NOP56: variants seen among roughly 807,000 people sequenced by gnomAD.
NOP56 encodes the protein nucleolar protein 56.
NOP56 carries 31 observed loss-of-function variants against 58.3 expected under a neutral mutation model. That is an observed-to-expected ratio of 0.53 (90% CI 0.40 to 0.72). The LOEUF (loss-of-function observed/expected upper bound fraction) is 0.72, where lower values mean the gene tolerates loss of function less well. NOP56 is among the 30% of genes least tolerant of loss of function. The pLI is 0.00. For missense variants in NOP56, 669 were observed against 739.9 expected (o/e 0.90, Z 1.11); for synonymous variants, 313 against 282.8 (o/e 1.11, Z -1.07).
chr20:2,654,611 G>A (rs1247217247), intron 4 of NOP56, 36 bp downstream of exon 4: 2 of 1,610,970 alleles, frequency 1.2e-6, no homozygotes, highest in Non-Finnish European at 1.7e-6. Flanking sequence ...TGTTATCCTG[G>A]ACATTTTGGG....
Position 2,657,682 on chromosome 20 carries a change from C to G in NOP56, c.1420-247C>G. 3 of 516,524 alleles carry G rather than the reference C, an allele frequency of 5.8e-6. No homozygotes were observed. The Middle Eastern group carries it at 1.6e-3, about 271-fold the overall frequency. The allele number at this position is 516,524 out of a possible 1,614,324, so 32.0% of individuals were successfully genotyped here. A position where few individuals can be genotyped will look rare whatever the true frequency, so the allele number is the denominator to read the frequency against. Reference sequence around the variant, plus strand: ...GGAACTTGGCATGATGGTTCTGTTGCGACCAGCATGGTGGGTGTTTTTTAG... The same window carrying G: ...GGAACTTGGCATGATGGTTCTGTTGGGACCAGCATGGTGGGTGTTTTTTAG... On this transcript the variant is annotated intron_variant, in intron 11 of 11. Coordinates refer to ENST00000329276, the MANE Select transcript of NOP56 (RefSeq NM_006392.4).
In NOP56 at chr20:2,657,057, CTT is replaced by C. The variant is rs775681197; in HGVS notation, c.1282-21_1282-20del. The C allele has an allele frequency of 2.5e-6, 4 of 1,613,838 alleles. No homozygotes were observed. The African/African-American group carries it at 5.3e-5, about 22-fold the overall frequency. The stretch of plus-strand genomic sequence containing the variant: ...TCAGAGCACCAGAAGTCTTCAGGCC[CTT>C]TTAGCACTTTTCTTTGACCAGGCAG... On this transcript the variant is annotated intron_variant, in intron 10 of 11. Transcript: ENST00000329276.
At position 2,654,582 on chromosome 20, in the gene NOP56, CCAT is replaced by C; in HGVS notation, c.370+12_370+14del. 1 of 1,614,016 alleles carries C rather than the reference CCAT, an allele frequency of 6.2e-7. No individual in the cohort carries two copies. ...ATAGCTGAGATCCTGCGAGGTGAGACCATCATCTGTTATATTCCTGTTATCCTG... is the reference window on the plus strand; with the variant it reads ...ATAGCTGAGATCCTGCGAGGTGAGACCATCTGTTATATTCCTGTTATCCTG... On this transcript the variant is annotated splice_region_variant and intron_variant, in intron 4 of 11. Transcript: ENST00000329276.
At chr20:2,657,722 TG>T in intron 11 of NOP56, 1 of 597,874 alleles carries the variant, frequency 1.7e-6, no homozygotes, top group Non-Finnish European at 2.9e-6. Flanking sequence ...TTTTTTTTAA[TG>T]GGCTGAGGTA....
In NOP56 at chr20:2,654,906, C is replaced by T. The variant is rs200027409; in HGVS notation, c.528C>T (p.Asp176=). 3 of 1,614,206 alleles carry T rather than the reference C, an allele frequency of 1.9e-6. No individual in the cohort carries two copies. The African/African-American group carries it at 4.0e-5, about 22-fold the overall frequency. ...TCATCCAGTCCATTAGCCTCCTGGA[C>T]CAGCTGGATAAGGACATCAATACCT... is the stretch of plus-strand genomic sequence containing the variant. ...NMIIQSISLL[D]QLDKDINTFS... Residue 176 remains aspartate, a synonymous_variant, in exon 5 of 12, where the codon GAC becomes GAT. Coordinates refer to ENST00000329276, the MANE Select transcript of NOP56 (RefSeq NM_006392.4).
Position 2,657,247 on chromosome 20 carries a change from A to G in NOP56, c.1419+29A>G, listed in dbSNP as rs761558467. On this transcript the variant is annotated intron_variant, in intron 11 of 11. Transcript: ENST00000329276. The stretch of plus-strand genomic sequence containing the variant: ...AGTAGGCAGCACGGCCCTGGCAGAG[A>G]TCCTAGGTTGTAGGATTTTCAACAG... 5 of 1,613,738 alleles carry G rather than the reference A, an allele frequency of 3.1e-6. No individual in the cohort carries two copies. In the South Asian group the frequency reaches 5.5e-5, roughly 18 times the overall value.
At chr20:2,657,263 T>G (rs1182642109) in intron 11 of NOP56, 45 bp downstream of exon 11, 2 of 1,613,224 alleles carry the variant, frequency 1.2e-6, no homozygotes, top group Non-Finnish European at 1.7e-6. Context: ...GGTTGTAGGA[T>G]TTTCAACAGC....
At position 2,652,886 on chromosome 20, in the gene NOP56, G is replaced by A; in HGVS notation, c.48G>A (p.Leu16=). 6.2e-7 allele frequency: 1 copy of A among 1,610,938 alleles called. No homozygotes were observed. The highest frequency in any genetic ancestry group is 2.2e-5 in the East Asian group (1 of 44,670). Residue 16 remains leucine, a synonymous_variant, in exon 2 of 12, where the codon CTG becomes CTA. Coordinates refer to ENST00000329276, the MANE Select transcript of NOP56 (RefSeq NM_006392.4). ...VLFEHAVGYA[L]LALKEVEEIS... ...TTGAGCACGCGGTCGGCTACGCGCTGCTGGCGCTGAAGGAAGTGGAGGAGA... is the reference window on the plus strand; with the variant it reads ...TTGAGCACGCGGTCGGCTACGCGCTACTGGCGCTGAAGGAAGTGGAGGAGA...
At position 2,657,225 on chromosome 20, in the gene NOP56, A is replaced by G. The variant is rs1353660484; in HGVS notation, c.1419+7A>G. On this transcript the variant is annotated splice_region_variant and intron_variant, in intron 11 of 11. Transcript: ENST00000329276. ...TACTCCAGAGGAGTGTGAGGTCAGT[A>G]GGCAGCACGGCCCTGGCAGAGATCC... 6.2e-7 allele frequency: 1 copy of G among 1,614,044 alleles called. No individual in the cohort carries two copies. Among genetic ancestry groups the G allele is most frequent in the African/African-American group, 1.3e-5 (1 of 74,918 alleles).
chr20:2,654,278 T>C (rs2086788556), intron 3 of NOP56, 136 bp from the exon 4 acceptor site: 5 of 900,710 alleles, frequency 5.6e-6, no homozygotes, highest in Non-Finnish European at 9.3e-6. Flanking sequence ...TCTCCATGTC[T>C]CTGAGCAATG....
chr20:2,652,968 A>C, intron 2 of NOP56, 37 bp downstream of exon 2: 1 of 1,532,160 alleles, frequency 6.5e-7, no homozygotes, highest in Non-Finnish European at 8.9e-7. Flanking sequence ...GCGGCCCCGC[A>C]GACCCTCATC....
chr20:2,653,839 G>C lies in NOP56; in HGVS notation c.208+446G>C, dbSNP rs994843528. The C allele has an allele frequency of 3.9e-4, 102 of 262,226 alleles. No homozygotes were observed. In the Admixed American group the frequency reaches 4.7e-3, roughly 12 times the overall value. 16.2% of individuals were successfully genotyped at this position (262,226 alleles called of 1,614,324 possible). A position where few individuals can be genotyped will look rare whatever the true frequency, so the allele number is the denominator to read the frequency against. ...CCCGGCTAATTTTGTATTTTTGGTA[G>C]AGACGGGGTTTCACCATGTTGGCCA... On this transcript the variant is annotated intron_variant, in intron 3 of 11. Coordinates refer to ENST00000329276, the MANE Select transcript of NOP56 (RefSeq NM_006392.4).
Position 2,655,591 on chromosome 20 carries a change from C to A in NOP56, c.758-4C>A, listed in dbSNP as rs374606826. 1.9e-6 allele frequency: 3 copies of A among 1,614,030 alleles called. No homozygotes were observed. The highest frequency in any genetic ancestry group is 2.7e-5 in the African/African-American group (2 of 74,896). ...CTCTTGCATTCACACTTGGTTTTTC[C>A]TAGGCATGGACATATCTGCCATTGA... On this transcript the variant is annotated splice_polypyrimidine_tract_variant and splice_region_variant and intron_variant, in intron 6 of 11. Coordinates refer to ENST00000329276, the MANE Select transcript of NOP56 (RefSeq NM_006392.4).
intron 7 of NOP56, 65 bp from the exon 8 acceptor site, chr20:2,655,869 G>A (rs923061997): frequency 8.0e-5 from 129 of 1,610,990 alleles, no homozygotes; most frequent in Non-Finnish European, 1.1e-4. Flanking sequence ...GGGGAGCAGG[G>A]CTGTCGTGCA....
chr20:2,652,907 G>A lies in NOP56; in HGVS notation c.69G>A (p.Glu23=). ...CGCTGCTGGCGCTGAAGGAAGTGGA[G>A]GAGATCAGTCTGCTGCAGCCGCAGG... is the stretch of plus-strand genomic sequence containing the variant. ...GYALLALKEV[E]EISLLQPQVE... Residue 23 remains glutamate, a synonymous_variant, in exon 2 of 12, where the codon GAG becomes GAA. Coordinates refer to ENST00000329276, the MANE Select transcript of NOP56 (RefSeq NM_006392.4). The A allele has an allele frequency of 2.5e-6, 4 of 1,609,102 alleles. No homozygotes were observed. Among genetic ancestry groups the A allele is most frequent in the Non-Finnish European group, 3.4e-6 (4 of 1,177,956 alleles).
chr20:2,653,999 G>T (rs1368595529), intron 3 of NOP56, among the ~76,000 whole-genome samples: 1 of 152,158 alleles, frequency 6.6e-6, no homozygotes, highest in African/African-American at 2.4e-5. Context: ...ACCTACTTGT[G>T]CCTGAGGTTT....
At chr20:2,654,327 C>A in intron 3 of NOP56, 87 bp from the exon 4 acceptor site, 2 of 1,436,782 alleles carry the variant, frequency 1.4e-6, no homozygotes, top group South Asian at 2.3e-5. Context: ...TCCCAGCGTG[C>A]TCGGTGGGAC....
At chr20:2,656,574 G>T in intron 9 of NOP56, 25 bp downstream of exon 9, 2 of 1,612,150 alleles carry the variant, frequency 1.2e-6, no homozygotes, top group Non-Finnish European at 1.7e-6. Flanking sequence ...GCGTTGGCAG[G>T]TGTGAGAAGG....
Position 2,652,666 on chromosome 20 carries a change from G to T in NOP56, c.3+3G>T. 2.1e-6 allele frequency: 3 copies of T among 1,457,936 alleles called. No homozygotes were observed. Among genetic ancestry groups the T allele is most frequent in the Non-Finnish European group, 9.0e-7 (1 of 1,114,242 alleles). 90.3% of individuals were successfully genotyped at this position (1,457,936 alleles called of 1,614,324 possible). On this transcript the variant is annotated splice_donor_region_variant and intron_variant, in intron 1 of 11. Coordinates refer to ENST00000329276, the MANE Select transcript of NOP56 (RefSeq NM_006392.4). ...CGAACCCGGGAGCTGGCGCCATGGT[G>T]AGGAGTGGTTGCGGGGCGCGGGCGA...
Sources: allele counts gnomAD v4.1 joint callset (sites outside exome capture counted in the v4.1 genomes callset), GRCh38; gene constraint gnomAD v4.1.1; transcripts MANE v1.5; gene names NCBI Gene and HGNC (gene_info 2026-07-23, HGNC 2026-07-21).